The following PACRG variants were observed in gnomAD, a reference collection of about 807,000 sequenced individuals.
PACRG encodes parkin coregulated gene protein.
In PACRG, 29 loss-of-function variants were observed where a neutral mutation model predicts 29.7. The observed-to-expected ratio is 0.98, with a 90% confidence interval of 0.73 to 1.33. The LOEUF is 1.33. Among genes scored for constraint, PACRG ranks in the 40% most tolerant of loss-of-function variants. The pLI is 0.00. For missense variants in PACRG, 279 were observed against 316.2 expected (o/e 0.88, Z 0.89); for synonymous variants, 116 against 118.7 (o/e 0.98, Z 0.15).
intron 2 of PACRG, chr6:162,891,977 T>C (rs1794794709): frequency 6.6e-6 from 1 of 152,268 alleles, no homozygotes; most frequent in Non-Finnish European, 1.5e-5. Context: ...TGTTTTATAG[T>C]CCGGTTATCT....
chr6:163,097,707 G>A (rs1289340962), intron 4 of PACRG, among the ~76,000 whole-genome samples: 1 of 152,164 alleles, frequency 6.6e-6, no homozygotes, highest in East Asian at 1.9e-4. Context: ...TTCCTGATTG[G>A]CAATTGGTTG....
At chr6:163,022,774 T>C (rs1383081537) in intron 2 of PACRG, among the ~76,000 whole-genome samples, 6 of 152,236 alleles carry the variant, frequency 3.9e-5, no homozygotes, top group African/African-American at 1.4e-4. Context: ...TGAAATTTCC[T>C]TCGATTTGTC....
At chr6:162,990,136 CATT>C (rs1803310941) in intron 2 of PACRG, among the ~76,000 whole-genome samples, 1 of 151,822 alleles carries the variant, frequency 6.6e-6, no homozygotes, top group Non-Finnish European at 1.5e-5. Flanking sequence ...TCCAGCCTAT[CATT>C]GTTGGACATT....
chr6:163,101,922 A>G (rs1815114074), intron 4 of PACRG, among the ~76,000 whole-genome samples: 1 of 152,228 alleles, frequency 6.6e-6, no homozygotes, highest in Non-Finnish European at 1.5e-5. Flanking sequence ...TCATTTAAAC[A>G]AAACAAAACA....
chr6:163,144,870 G>GAA (rs1777733214), intron 4 of PACRG, among the ~76,000 whole-genome samples: 1 of 152,136 alleles, frequency 6.6e-6, no homozygotes, highest in Admixed American at 6.5e-5. Flanking sequence ...TGTAAAGTCT[G>GAA]AAAAAAACAG....
intron 1 of PACRG, among the ~76,000 whole-genome samples, chr6:162,776,566 G>A (rs746541814): frequency 1.3e-5 from 2 of 152,164 alleles, no homozygotes; most frequent in Non-Finnish European, 2.9e-5. Flanking sequence ...AGTGCTGGCC[G>A]CCCATTCTCC....
intron 3 of PACRG, among the ~76,000 whole-genome samples, chr6:163,073,970 G>A (rs1454344163): frequency 6.6e-6 from 1 of 152,136 alleles, no homozygotes; most frequent in Non-Finnish European, 1.5e-5. Flanking sequence ...TATGCTGTTG[G>A]TGAGAATGTA....
chr6:162,773,374 AAGT>A (rs550370556), intron 1 of PACRG, among the ~76,000 whole-genome samples: 1 of 152,190 alleles, frequency 6.6e-6, no homozygotes, highest in Non-Finnish European at 1.5e-5. Context: ...AATACAAAAT[AAGT>A]AGCACGAATA....
At chr6:162,739,320 C>A (rs1387873775) in intron 1 of PACRG, among the ~76,000 whole-genome samples, 2 of 151,952 alleles carry the variant, frequency 1.3e-5, no homozygotes, top group Non-Finnish European at 2.9e-5. Context: ...ATATTCATAG[C>A]CTTTGCCCAT....
intron 4 of PACRG, among the ~76,000 whole-genome samples, chr6:163,283,192 G>A (rs1488184682): frequency 2.0e-5 from 3 of 152,216 alleles, no homozygotes; most frequent in African/African-American, 7.2e-5. Flanking sequence ...TGATGTGAAT[G>A]TAAAGAGACA....
At chr6:163,039,076 G>A (rs1808459622) in intron 2 of PACRG, among the ~76,000 whole-genome samples, 1 of 152,146 alleles carries the variant, frequency 6.6e-6, no homozygotes. Context: ...AAGATGATTG[G>A]ATCATGAGGG....
At chr6:163,266,687 A>C (rs940321934) in intron 4 of PACRG, among the ~76,000 whole-genome samples, 57 of 152,134 alleles carry the variant, frequency 3.7e-4, no homozygotes, top group African/African-American at 1.4e-3. Context: ...CTCAATCTTC[A>C]AAACAGCCCA....
At chr6:163,243,538 A>T (rs2128169267) in intron 4 of PACRG, among the ~76,000 whole-genome samples, 1 of 152,158 alleles carries the variant, frequency 6.6e-6, no homozygotes, top group Non-Finnish European at 1.5e-5. Flanking sequence ...GCTGGTTGGC[A>T]TCTACTTGTA....
intron 1 of PACRG, among the ~76,000 whole-genome samples, chr6:162,808,979 G>A (rs115506220): frequency 0.021 from 3,112 of 148,124 alleles, 108 homozygotes; most frequent in African/African-American, 0.07. Context: ...CCAATAATAA[G>A]TTCTTTATTA....
chr6:162,850,065 A>C (rs80226269), intron 2 of PACRG, among the ~76,000 whole-genome samples: 1 of 152,232 alleles, frequency 6.6e-6, no homozygotes, highest in Non-Finnish European at 1.5e-5. Flanking sequence ...ACTTATATTT[A>C]GGGGAAATGT....
At chr6:162,731,664 C>T (rs1220889102) in intron 1 of PACRG, among the ~76,000 whole-genome samples, 1 of 151,984 alleles carries the variant, frequency 6.6e-6, no homozygotes, top group African/African-American at 2.4e-5. Context: ...AAAACAAATC[C>T]AAAACACTTC....
At chr6:162,928,496 G>A (rs945575688) in intron 2 of PACRG, among the ~76,000 whole-genome samples, 1 of 151,714 alleles carries the variant, frequency 6.6e-6, no homozygotes. Context: ...ATACATAATA[G>A]ATTTGCATAT....
chr6:162,790,515 C>CATAT (rs150507654), intron 1 of PACRG, among the ~76,000 whole-genome samples: 29 of 149,624 alleles, frequency 1.9e-4, no homozygotes, highest in Admixed American at 3.3e-4. Context: ...TAGTTTTCTC[C>CATAT]ATATATATAT....
chr6:163,274,188 A>AC (rs1301753552), intron 4 of PACRG, among the ~76,000 whole-genome samples: 1 of 150,430 alleles, frequency 6.6e-6, no homozygotes, highest in Non-Finnish European at 1.5e-5. Context: ...CGCTCCCTCC[A>AC]CCCCCCAACA....
Sources: gnomAD v4.1 joint callset for allele counts (sites outside exome capture counted in the v4.1 genomes callset) on GRCh38, gnomAD v4.1.1 for gene constraint, MANE v1.5 for transcripts, NCBI Gene and HGNC (gene_info 2026-07-23, HGNC 2026-07-21) for gene names.